The following ITPR1 variants were observed in gnomAD, a reference collection of about 807,000 sequenced individuals.
ITPR1 encodes inositol 1,4,5-trisphosphate receptor type 1.
A neutral mutation model predicts 318.4 loss-of-function variants in ITPR1; 96 were observed. The observed-to-expected ratio is 0.30, with a 90% CI of 0.26 to 0.36. ITPR1 has a LOEUF of 0.36. Among genes scored for constraint, ITPR1 ranks in the 10% least tolerant of loss-of-function variants. The probability of loss-of-function intolerance (pLI) is 1.00; values close to 1 mark genes in which losing one functional copy is unlikely to be tolerated. For missense variants in ITPR1, 2,440 were observed against 3,460.2 expected (o/e 0.71, Z 7.40); for synonymous variants, 1,312 against 1,289.9 (o/e 1.02, Z -0.37).
chr3:4,700,469 A>C (rs1263888372), intron 35 of ITPR1, among the ~76,000 whole-genome samples: 1 of 152,222 alleles, frequency 6.6e-6, no homozygotes, highest in African/African-American at 2.4e-5. Flanking sequence ...CCAGAGATAA[A>C]CATGTACTGG....
intron 44 of ITPR1, among the ~76,000 whole-genome samples, chr3:4,735,883 C>T (rs1444839694): frequency 6.6e-6 from 1 of 152,140 alleles, no homozygotes; most frequent in Non-Finnish European, 1.5e-5. Flanking sequence ...CTATGTTAGT[C>T]AGAAATGAAT....
At chr3:4,774,731 C>T (rs1015119518) in intron 46 of ITPR1, among the ~76,000 whole-genome samples, 3 of 152,212 alleles carry the variant, frequency 2.0e-5, no homozygotes, top group Non-Finnish European at 2.9e-5. Context: ...TGGAAATGGC[C>T]AAACAAGTAA....
intron 52 of ITPR1, among the ~76,000 whole-genome samples, chr3:4,793,630 G>A (rs2047711366): frequency 6.6e-6 from 1 of 152,222 alleles, no homozygotes; most frequent in Admixed American, 6.5e-5. Context: ...TTGCTACGTA[G>A]TGGTTGACTG....
chr3:4,690,730 T>C (rs924566056), intron 31 of ITPR1, among the ~76,000 whole-genome samples: 5 of 152,214 alleles, frequency 3.3e-5, no homozygotes, highest in African/African-American at 7.2e-5. Flanking sequence ...AGAATAAAGA[T>C]ACTGTCATAT....
At chr3:4,756,407 G>A (rs12490255) in intron 44 of ITPR1, among the ~76,000 whole-genome samples, 23,074 of 152,048 alleles carry the variant, frequency 0.15, 2,001 homozygotes, top group Middle Eastern at 0.21. Context: ...GGGGTTTGTT[G>A]TACAGATTAT....
At chr3:4,629,330 C>G (rs1575800153) in intron 5 of ITPR1, among the ~76,000 whole-genome samples, 1 of 152,086 alleles carries the variant, frequency 6.6e-6, no homozygotes, top group South Asian at 2.1e-4. Context: ...GACTTTGAGC[C>G]TTTGTGTCTC....
In ITPR1 at chr3:4,711,858, A is replaced by G. The variant is rs2041395905; in HGVS notation, c.5093A>G (p.Tyr1698Cys). Residue 1698 changes from tyrosine (Y) to cysteine (C), a missense_variant, in exon 39 of 62, where the codon TAT becomes TGT. Coordinates refer to ENST00000649015, the MANE Select transcript of ITPR1 (RefSeq NM_001378452.1). ...GAAATGATGACCAAAGATAGAGGCT[A>G]TGGAGAAAAGGTACTGCATTTTATT... ...LREMMTKDRG[Y>C]GEKLISIDEL... 7.4e-6 allele frequency: 11 copies of G among 1,494,518 alleles called. No homozygotes were observed. The highest frequency in any genetic ancestry group is 1.0e-5 in the Non-Finnish European group (11 of 1,103,464). The allele number at this position is 1,494,518 out of a possible 1,614,324, so 92.6% of individuals were successfully genotyped here.
chr3:4,608,941 G>T (rs1223928910), intron 4 of ITPR1, among the ~76,000 whole-genome samples: 1 of 146,006 alleles, frequency 6.8e-6, no homozygotes, highest in African/African-American at 2.5e-5. Context: ...GGTAGAGGTT[G>T]CAGTGAGCCG....
chr3:4,629,338 C>T (rs2092942181), intron 5 of ITPR1, among the ~76,000 whole-genome samples: 1 of 152,110 alleles, frequency 6.6e-6, no homozygotes, highest in South Asian at 2.1e-4. Context: ...GCCTTTGTGT[C>T]TCAGCCGAAG....
intron 4 of ITPR1, among the ~76,000 whole-genome samples, chr3:4,620,099 T>G (rs1187805499): frequency 6.6e-6 from 1 of 152,156 alleles, no homozygotes; most frequent in African/African-American, 2.4e-5. Context: ...AAAAATGGTC[T>G]GCAGTGGACC....
intron 1 of ITPR1, among the ~76,000 whole-genome samples, chr3:4,493,873 G>T (rs2124849545): frequency 6.6e-6 from 1 of 150,690 alleles, no homozygotes; most frequent in African/African-American, 2.4e-5. Context: ...TGCTGCAGCT[G>T]CAGGAAATAG....
At chr3:4,553,585 C>T (rs1405119549) in intron 4 of ITPR1, among the ~76,000 whole-genome samples, 1 of 149,464 alleles carries the variant, frequency 6.7e-6, no homozygotes, top group Non-Finnish European at 1.5e-5. Flanking sequence ...CGCGTGCCAC[C>T]ACGCCTGGAT....
intron 40 of ITPR1, chr3:4,724,547 G>C (rs1258880006): frequency 6.6e-6 from 1 of 152,162 alleles, no homozygotes; most frequent in Non-Finnish European, 1.5e-5. Context: ...GGTTTGTCTC[G>C]TGGCCTCAGA....
At position 4,685,125 on chromosome 3, in the gene ITPR1, C is replaced by T; in HGVS notation, c.3621C>T (p.Ser1207=). Residue 1207 remains serine (S), a synonymous_variant, in exon 30 of 62, where the codon AGC becomes AGT. Transcript: ENST00000649015. ...AAGAGAGTGCCTCAGTGAGAAAGAG[C>T]AGGAAGCAGCAACAGCGTCTGCTCC... The part of the protein sequence containing the change: ...CVQESASVRK[S]RKQQQRLLRN... 1 of 1,610,596 alleles carries T rather than the reference C, an allele frequency of 6.2e-7. No homozygotes were observed. Among genetic ancestry groups the T allele is most frequent in the Non-Finnish European group, 8.5e-7 (1 of 1,178,786 alleles).
intron 10 of ITPR1, among the ~76,000 whole-genome samples, chr3:4,650,605 T>TTGTGTGTGTGTGTGTGTGTGTGTG (rs752768399): frequency 3.0e-5 from 4 of 133,208 alleles, no homozygotes; most frequent in Non-Finnish European, 4.8e-5. Flanking sequence ...TGATATGCCT[T>TTGTGTGTGTGTGTGTGTGTGTGTG]AGTGTGTGTG....
intron 12 of ITPR1, among the ~76,000 whole-genome samples, chr3:4,656,960 T>C (rs2125181669): frequency 6.6e-6 from 1 of 152,372 alleles, no homozygotes; most frequent in East Asian, 1.9e-4. Context: ...CCTCCTTGAA[T>C]ATCTGTAGGC....
chr3:4,726,190 C>T (rs1242007375), intron 41 of ITPR1, among the ~76,000 whole-genome samples: 1 of 152,044 alleles, frequency 6.6e-6, no homozygotes, highest in Non-Finnish European at 1.5e-5. Flanking sequence ...CAACAACGCT[C>T]AGCGAATTTT....
intron 41 of ITPR1, among the ~76,000 whole-genome samples, chr3:4,726,833 A>G (rs1345917820): frequency 6.6e-6 from 1 of 152,202 alleles, no homozygotes; most frequent in Non-Finnish European, 1.5e-5. Context: ...CACAGCATAT[A>G]ATATAGAACT....
At chr3:4,800,287 C>A in intron 53 of ITPR1, 138 bp from the exon 54 acceptor site, 1 of 737,656 alleles carries the variant, frequency 1.4e-6, no homozygotes, top group Non-Finnish European at 2.2e-6. Context: ...ATGGATGGGG[C>A]AGAGAATTTG....
Sources: allele counts gnomAD v4.1 joint callset (sites outside exome capture counted in the v4.1 genomes callset), GRCh38; gene constraint gnomAD v4.1.1; transcripts MANE v1.5; gene names NCBI Gene and HGNC (gene_info 2026-07-23, HGNC 2026-07-21).